The following CELF1 variants were observed in gnomAD, a reference collection of about 807,000 sequenced individuals.
CELF1 encodes the protein 50 kDa nuclear polyadenylated RNA-binding protein.
CELF1 carries 10 observed loss-of-function variants against 61.8 expected under a neutral mutation model. The observed-to-expected ratio is 0.16, with a 90% CI of 0.10 to 0.27. The LOEUF (loss-of-function observed/expected upper bound fraction) is 0.27, where lower values mean the gene tolerates loss of function less well. Ranked by LOEUF, CELF1 falls within the 10% of genes least tolerant of loss-of-function variation. The pLI, the probability that CELF1 is intolerant of heterozygous loss-of-function variation, is 1.00. For missense variants in CELF1, 380 were observed against 639.1 expected, an observed-to-expected ratio of 0.59 and a Z score of 4.37; for synonymous variants, 236 against 225.1, an observed-to-expected ratio of 1.05 and a Z score of -0.43.
At position 47,489,909 on chromosome 11, in the gene CELF1, T is replaced by A. The variant is rs138936804; in HGVS notation, c.72-885A>T. ...CCTAGGTGAATTCTTACACTATAGA[T>A]GTTTCCACTCAGAACATACCATCTT... On this transcript the variant is annotated intron_variant, in intron 3 of 14. Transcript: ENST00000687097. Among the ~76,000 whole-genome samples the A allele has an allele frequency of 8.4e-4, 123 of 145,684 alleles. 1 individual carries two copies. The East Asian group carries it at 0.017, about 20-fold the overall frequency.
chr11:47,541,923 T>A (rs917140357), intron 1 of CELF1, among the ~76,000 whole-genome samples: 1 of 151,830 alleles, frequency 6.6e-6, no homozygotes, highest in African/African-American at 2.4e-5. Context: ...TTTTGCATAA[T>A]CCCCAAACTA....
chr11:47,555,291 T>C (rs958416637), upstream of CELF1, among the ~76,000 whole-genome samples: 3 of 152,230 alleles, frequency 2.0e-5, no homozygotes, highest in Non-Finnish European at 4.4e-5. Flanking sequence ...ACTCAATAGA[T>C]ATTTCTTGAA....
chr11:47,473,942 TGTTGCCCAG>T (rs1043610644), intron 13 of CELF1, among the ~76,000 whole-genome samples: 1 of 152,150 alleles, frequency 6.6e-6, no homozygotes, highest in African/African-American at 2.4e-5. Context: ...AGGCTCACTC[TGTTGCCCAG>T]GTTGGAGTGC....
At chr11:47,548,321 T>C (rs1447351138) in intron 1 of CELF1, among the ~76,000 whole-genome samples, 1 of 151,966 alleles carries the variant, frequency 6.6e-6, no homozygotes, top group Non-Finnish European at 1.5e-5. Context: ...TAAAACAACC[T>C]AAATGTAAGA....
chr11:47,540,885 AAACAAC>A (rs138263192), intron 1 of CELF1, among the ~76,000 whole-genome samples: 22 of 151,226 alleles, frequency 1.5e-4, no homozygotes, highest in South Asian at 4.2e-4. Flanking sequence ...ACTCCATCTC[AAACAAC>A]AACAACAACA....
Position 47,476,913 on chromosome 11 carries a change from T to C in CELF1, c.1020A>G (p.Ile340Met), listed in dbSNP as rs2153398983. ...SSSSSNSVNP[I>M]ASLGALQTLA... The stretch of plus-strand genomic sequence containing the variant: ...ATGTCTGCAGGGCTCCAAGTGAGGC[T>C]ATGGGGTTGACAGAATTACTGCTGC... The change falls in exon 12 of 15, where the codon ATA (isoleucine) becomes ATG (methionine). Residue 340 changes from isoleucine (I) to methionine (M), a missense_variant. Coordinates refer to ENST00000687097, the MANE Select transcript of CELF1 (RefSeq NM_001376376.1). The C allele has an allele frequency of 6.2e-7, 1 of 1,614,252 alleles. No individual in the cohort carries two copies. Among genetic ancestry groups the C allele is most frequent in the South Asian group, 1.1e-5 (1 of 91,088 alleles).
chr11:47,493,288 G>C (rs2092275100), intron 3 of CELF1, among the ~76,000 whole-genome samples: 1 of 150,364 alleles, frequency 6.7e-6, no homozygotes, highest in African/African-American at 2.5e-5. Flanking sequence ...CTCACCTGAG[G>C]TCAGGAGTTT....
intron 1 of CELF1, among the ~76,000 whole-genome samples, chr11:47,522,689 T>A (rs148842416): frequency 2.0e-3 from 297 of 151,846 alleles, no homozygotes; most frequent in African/African-American, 7.1e-3. Context: ...TAGCCAGGTG[T>A]GGTGGCATGC....
chr11:47,505,827 C>T lies in CELF1; in HGVS notation c.-153-4895G>A, dbSNP rs1406478899. ...GCAGGCACCTGTAATCCCAGCTACT[C>T]AGGAGGCTGAGGCACGAGAATTGCC... On this transcript the variant is annotated intron_variant, in intron 1 of 14. Transcript: ENST00000687097. 3.4e-5 allele frequency among the ~76,000 whole-genome samples: 5 copies of T among 149,000 alleles called. No homozygotes were observed. In the Middle Eastern group the frequency reaches 0.01, roughly 310 times the overall value.
intron 6 of CELF1, among the ~76,000 whole-genome samples, chr11:47,485,522 C>T (rs1271277637): frequency 6.6e-6 from 1 of 152,094 alleles, no homozygotes; most frequent in African/African-American, 2.4e-5. Flanking sequence ...GAGGTTTTCA[C>T]ACTTGATATG....
intron 7 of CELF1, among the ~76,000 whole-genome samples, chr11:47,483,960 G>C (rs1290994587): frequency 6.6e-6 from 1 of 152,172 alleles, no homozygotes; most frequent in Non-Finnish European, 1.5e-5. Flanking sequence ...ACAGCAGGAA[G>C]CAGCAGGCCC....
intron 1 of CELF1, among the ~76,000 whole-genome samples, chr11:47,504,806 A>C (rs1288732040): frequency 6.7e-6 from 1 of 149,564 alleles, no homozygotes; most frequent in African/African-American, 2.4e-5. Context: ...GGAGGCTGAG[A>C]CAGGAGAATC....
chr11:47,475,282 G>C, intron 13 of CELF1, 54 bp downstream of exon 13: 1 of 1,565,626 alleles, frequency 6.4e-7, no homozygotes, highest in South Asian at 1.1e-5. Context: ...TTCCGTTCTG[G>C]TATAGGAGGA....
At chr11:47,515,990 C>T (rs113303612) in intron 1 of CELF1, among the ~76,000 whole-genome samples, 2,216 of 148,576 alleles carry the variant, frequency 0.015, 61 homozygotes, top group African/African-American at 0.051. Flanking sequence ...AATCTTGGCT[C>T]CCTGCAACCT....
chr11:47,482,368 ACTGGTAGT>A (rs2153436764), intron 9 of CELF1: 1 of 196,374 alleles, frequency 5.1e-6, no homozygotes, highest in African/African-American at 2.3e-5. Flanking sequence ...GGAGAAAGAC[ACTGGTAGT>A]TAAGATTCCC....
At chr11:47,561,799 T>C (rs1017825364) in intron 2 of CELF1, among the ~76,000 whole-genome samples, 1 of 152,152 alleles carries the variant, frequency 6.6e-6, no homozygotes, top group Non-Finnish European at 1.5e-5. Flanking sequence ...GAGAAAAACA[T>C]GTGGTCTGTC....
At chr11:47,531,397 A>T (rs2096468715) in intron 1 of CELF1, among the ~76,000 whole-genome samples, 1 of 152,090 alleles carries the variant, frequency 6.6e-6, no homozygotes, top group South Asian at 2.1e-4. Context: ...GTGAAACCCC[A>T]TCTCTACTAA....
At chr11:47,511,556 T>C (rs1452813261) in intron 1 of CELF1, among the ~76,000 whole-genome samples, 1 of 152,200 alleles carries the variant, frequency 6.6e-6, no homozygotes, top group African/African-American at 2.4e-5. Flanking sequence ...TAAACCCTTA[T>C]CACCTAAAAG....
intron 1 of CELF1, among the ~76,000 whole-genome samples, chr11:47,503,584 T>C (rs1368938424): frequency 6.6e-6 from 1 of 152,182 alleles, no homozygotes; most frequent in Non-Finnish European, 1.5e-5. Context: ...TAACCTCAGA[T>C]TGCTGCTAAG....
Sources: allele counts gnomAD v4.1 joint callset (sites outside exome capture counted in the v4.1 genomes callset), GRCh38; gene constraint gnomAD v4.1.1; transcripts MANE v1.5; gene names NCBI Gene and HGNC (gene_info 2026-07-23, HGNC 2026-07-21).